SCG3: variants seen among roughly 807,000 people sequenced by gnomAD.
The protein encoded by SCG3 is secretogranin-3.
SCG3 carries 38 observed loss-of-function variants against 56.2 expected under a neutral mutation model. The ratio of observed to expected loss-of-function variants is 0.68; its 90% CI spans 0.52 to 0.89. The LOEUF (loss-of-function observed/expected upper bound fraction) is 0.89, where lower values mean the gene tolerates loss of function less well. Among genes scored for constraint, SCG3 ranks in the 40% least tolerant of loss-of-function variants. The pLI, the probability that SCG3 is intolerant of heterozygous loss-of-function variation, is 0.00. For synonymous variants in SCG3, 176 were observed against 184.2 expected (o/e 0.96, Z 0.36); for missense variants, 524 against 540.7 (o/e 0.97, Z 0.31).
chr15:51,692,151 C>T lies in SCG3; in HGVS notation c.691-8C>T, dbSNP rs776220361. 6.9e-6 allele frequency: 11 copies of T among 1,597,336 alleles called. No individual in the cohort carries two copies. The highest frequency in any genetic ancestry group is 8.5e-6 in the Non-Finnish European group (10 of 1,172,678). On this transcript the variant is annotated splice_region_variant and splice_polypyrimidine_tract_variant and intron_variant, in intron 6 of 11. Coordinates refer to ENST00000220478, the MANE Select transcript of SCG3 (RefSeq NM_013243.4). ...TGTTCATTTTTTATTGATTTTTCCC[C>T]ACTGGAGACTCCAATGGCAGCAATT...
At chr15:51,713,125 T>C in intron 10 of SCG3, 1 of 362,976 alleles carries the variant, frequency 2.8e-6, no homozygotes, top group Non-Finnish European at 5.0e-6. Flanking sequence ...TCCTGGAACC[T>C]CATCCGCACC....
In SCG3 at chr15:51,682,502, A is replaced by G. The variant is rs769246290; in HGVS notation, c.83-15A>G. 8 of 1,350,468 alleles carry G rather than the reference A, an allele frequency of 5.9e-6. No homozygotes were observed. The Admixed American group carries it at 7.1e-5, about 12-fold the overall frequency. 83.7% of individuals were successfully genotyped at this position (1,350,468 alleles called of 1,614,324 possible). On this transcript the variant is annotated splice_polypyrimidine_tract_variant and intron_variant, in intron 1 of 11. Transcript: ENST00000220478. ...AACGCACAATTAAATTTATATTCAC[A>G]TGTGTTTATTCTAGACAAATCTCTA...
intron 10 of SCG3, among the ~76,000 whole-genome samples, chr15:51,709,260 C>T (rs1480697384): frequency 1.3e-5 from 2 of 152,074 alleles, no homozygotes; most frequent in Non-Finnish European, 2.9e-5. Flanking sequence ...AGAACAGCAG[C>T]ATGGGGGTAA....
chr15:51,697,359 C>T (rs548962850), intron 8 of SCG3, among the ~76,000 whole-genome samples: 2 of 152,178 alleles, frequency 1.3e-5, no homozygotes, highest in Non-Finnish European at 2.9e-5. Context: ...AAAAATGCCT[C>T]AAAGGCTTAT....
chr15:51,695,958 A>T lies in SCG3; in HGVS notation c.952A>T (p.Thr318Ser). 2 of 1,602,654 alleles carry T rather than the reference A, an allele frequency of 1.2e-6. No individual in the cohort carries two copies. Among genetic ancestry groups the T allele is most frequent in the Non-Finnish European group, 1.7e-6 (2 of 1,169,790 alleles). The stretch of plus-strand genomic sequence containing the variant: ...TGTGAAGATGATGGTGAAATATGGA[A>T]CAATATCTCCAGAAGAAGGTGTTTC... The part of the protein sequence containing the change: ...DFVKMMVKYG[T>S]ISPEEGVSYL... Residue 318 changes from threonine to serine, a missense_variant, in exon 8 of 12, where the codon ACA becomes TCA. Coordinates refer to ENST00000220478, the MANE Select transcript of SCG3 (RefSeq NM_013243.4).
intron 10 of SCG3, 33 bp from the exon 11 acceptor site, chr15:51,713,300 G>T (rs773629879): frequency 7.3e-7 from 1 of 1,370,712 alleles, no homozygotes; most frequent in Admixed American, 1.9e-5. Flanking sequence ...GATATTTCCT[G>T]AGTGTTTGAT....
chr15:51,687,778 G>A (rs932815774), intron 4 of SCG3, among the ~76,000 whole-genome samples: 1 of 152,162 alleles, frequency 6.6e-6, no homozygotes, highest in Non-Finnish European at 1.5e-5. Context: ...GATTCTGGGT[G>A]TGAGGTAGAA....
intron 4 of SCG3, among the ~76,000 whole-genome samples, chr15:51,685,528 C>G (rs890324609): frequency 1.3e-5 from 2 of 152,210 alleles, no homozygotes; most frequent in African/African-American, 4.8e-5. Flanking sequence ...CACTTGAGAT[C>G]ACAGAGAAGA....
At chr15:51,716,000 G>A (rs939038625) in intron 11 of SCG3, among the ~76,000 whole-genome samples, 1 of 152,146 alleles carries the variant, frequency 6.6e-6, no homozygotes, top group Non-Finnish European at 1.5e-5. Flanking sequence ...TGGGACTACA[G>A]GCACCCGCCA....
intron 7 of SCG3, among the ~76,000 whole-genome samples, chr15:51,694,313 G>T (rs1329221342): frequency 6.6e-6 from 1 of 151,440 alleles, no homozygotes; most frequent in Non-Finnish European, 1.5e-5. Flanking sequence ...CAGTGGCCTT[G>T]TTTGCTCCCT....
At chr15:51,683,747 A>G (rs2055210814) in intron 4 of SCG3, among the ~76,000 whole-genome samples, 1 of 152,198 alleles carries the variant, frequency 6.6e-6, no homozygotes, top group Non-Finnish European at 1.5e-5. Flanking sequence ...ACAAAATATC[A>G]TAATTTTCAA....
chr15:51,709,732 T>TTA (rs2055407114), intron 10 of SCG3, among the ~76,000 whole-genome samples: 1 of 80,610 alleles, frequency 1.2e-5, no homozygotes. Context: ...TTTTTTTTTT[T>TTA]TTTTTTGAGA....
At chr15:51,699,488 A>C in intron 9 of SCG3, 86 bp downstream of exon 9, 1 of 911,134 alleles carries the variant, frequency 1.1e-6, no homozygotes, top group Non-Finnish European at 1.7e-6. Context: ...CATTAATTTA[A>C]AAATTACAGA....
intron 11 of SCG3, among the ~76,000 whole-genome samples, chr15:51,714,220 G>T (rs994818065): frequency 1.3e-5 from 2 of 152,138 alleles, no homozygotes; most frequent in Non-Finnish European, 2.9e-5. Flanking sequence ...GCCATGCCAG[G>T]AAGACATTTA....
chr15:51,685,428 G>A (rs1234676746), intron 4 of SCG3, among the ~76,000 whole-genome samples: 1 of 152,140 alleles, frequency 6.6e-6, no homozygotes, highest in Non-Finnish European at 1.5e-5. Context: ...TTTTTTAACT[G>A]TTCAACATTT....
At chr15:51,687,579 T>G (rs1169287010) in intron 4 of SCG3, among the ~76,000 whole-genome samples, 1 of 152,246 alleles carries the variant, frequency 6.6e-6, no homozygotes. Context: ...TATTGCTTTG[T>G]GCAGATCTGT....
intron 11 of SCG3, among the ~76,000 whole-genome samples, chr15:51,718,820 T>G (rs2055476629): frequency 1.3e-5 from 2 of 151,970 alleles, no homozygotes; most frequent in Admixed American, 6.6e-5. Context: ...TCAAACAGCA[T>G]GAAATAAAGT....
rs1309123360 is a variant in SCG3 at position 51,681,715 on chromosome 15, GAGCCCAGCGCCGGGCTGTGACCCA to G, written c.-36_-13del. On this transcript the variant is annotated 5_prime_UTR_variant, in exon 1 of 12. Coordinates refer to ENST00000220478, the MANE Select transcript of SCG3 (RefSeq NM_013243.4). ...TTCATAACAAAAGCTACAGCTCCAG[GAGCCCAGCGCCGGGCTGTGACCCA>G]AGCCGAGCGTGGAAGAATGGGGTTC... 2 of 1,501,500 alleles carry G rather than the reference GAGCCCAGCGCCGGGCTGTGACCCA, an allele frequency of 1.3e-6. No individual in the cohort carries two copies. The highest frequency in any genetic ancestry group is 1.9e-6 in the Non-Finnish European group (2 of 1,078,684). The allele number at this position is 1,501,500 out of a possible 1,614,324, so 93.0% of individuals were successfully genotyped here.
intron 8 of SCG3, among the ~76,000 whole-genome samples, chr15:51,696,379 A>G (rs1468295975): frequency 6.6e-6 from 1 of 152,064 alleles, no homozygotes; most frequent in Non-Finnish European, 1.5e-5. Flanking sequence ...GTGAAATGCT[A>G]TCTCTACAAA....
Sources: allele counts gnomAD v4.1 joint callset (sites outside exome capture counted in the v4.1 genomes callset), GRCh38; gene constraint gnomAD v4.1.1; transcripts MANE v1.5; gene names NCBI Gene and HGNC (gene_info 2026-07-23, HGNC 2026-07-21).